FBXO11: variants seen among roughly 807,000 people sequenced by gnomAD.
FBXO11 encodes the protein F-box protein 11, also known as F-box only protein 11.
Under a neutral mutation model 117.0 loss-of-function variants are expected in FBXO11, and 13 were observed. The observed-to-expected ratio is 0.11, with a 90% CI of 0.07 to 0.18. FBXO11 has a LOEUF of 0.18. Ranked by LOEUF, FBXO11 falls within the 10% of genes least tolerant of loss-of-function variation. The pLI is 1.00. For missense variants in FBXO11, 767 were observed against 1,164.4 expected, an observed-to-expected ratio of 0.66 and a Z score of 4.97; for synonymous variants, 490 against 380.5, an observed-to-expected ratio of 1.29 and a Z score of -3.35.
At chr2:47,885,417 C>A (rs1025333985) in intron 1 of FBXO11, among the ~76,000 whole-genome samples, 3 of 151,936 alleles carry the variant, frequency 2.0e-5, no homozygotes, top group African/African-American at 7.3e-5. Context: ...ACATGGCAAA[C>A]CCTGTCTCTA....
At chr2:47,858,909 C>G (rs1267552154) in intron 1 of FBXO11, among the ~76,000 whole-genome samples, 2 of 150,672 alleles carry the variant, frequency 1.3e-5, no homozygotes, top group Admixed American at 6.6e-5. Flanking sequence ...CGTGGTAGCC[C>G]GCGCCTGTAA....
At chr2:47,830,920 C>T (rs1331154111) in intron 11 of FBXO11, among the ~76,000 whole-genome samples, 2 of 152,048 alleles carry the variant, frequency 1.3e-5, no homozygotes, top group African/African-American at 4.8e-5. Context: ...CTGTCTCAGC[C>T]CCCAAGTAGC....
At chr2:47,829,125 G>A (rs942241351) in intron 11 of FBXO11, among the ~76,000 whole-genome samples, 9 of 151,856 alleles carry the variant, frequency 5.9e-5, no homozygotes, top group African/African-American at 2.2e-4. Context: ...GAACTCCTGG[G>A]CTCAAGGGAT....
chr2:47,857,410 C>T (rs1313258243), intron 1 of FBXO11, among the ~76,000 whole-genome samples: 1 of 152,026 alleles, frequency 6.6e-6, no homozygotes, highest in Admixed American at 6.6e-5. Context: ...CGTGAGCCAC[C>T]ACACCTGGCC....
chr2:47,808,034 G>C lies in FBXO11; in HGVS notation c.*84C>G, dbSNP rs757580075. 3.4e-5 allele frequency: 42 copies of C among 1,240,266 alleles called. No homozygotes were observed. The highest frequency in any genetic ancestry group is 4.5e-5 in the Non-Finnish European group (40 of 879,588). 76.8% of individuals were successfully genotyped at this position (1,240,266 alleles called of 1,614,324 possible). The stretch of plus-strand genomic sequence containing the variant: ...TTAATACAGTCTCTTCCTGTAGCAT[G>C]GGCAAATATTTTAAATCTTCTTCCA... On this transcript the variant is annotated 3_prime_UTR_variant, in exon 23 of 23. Coordinates refer to ENST00000403359, the MANE Select transcript of FBXO11 (RefSeq NM_001190274.2).
chr2:47,841,656 A>T (rs1673017914), intron 1 of FBXO11, among the ~76,000 whole-genome samples: 1 of 152,044 alleles, frequency 6.6e-6, no homozygotes, highest in Non-Finnish European at 1.5e-5. Flanking sequence ...TATTATTATT[A>T]TTTGAGATGG....
chr2:47,872,942 AT>A (rs2103841389), intron 1 of FBXO11, among the ~76,000 whole-genome samples: 2 of 152,264 alleles, frequency 1.3e-5, no homozygotes, highest in Admixed American at 1.3e-4. Context: ...TACAGTAAAT[AT>A]TGATAGCTAT....
chr2:47,884,480 G>A (rs1254112086), intron 1 of FBXO11, among the ~76,000 whole-genome samples: 1 of 152,116 alleles, frequency 6.6e-6, no homozygotes, highest in African/African-American at 2.4e-5. Context: ...ACATAATCTG[G>A]AGTTTACATA....
chr2:47,880,461 C>T (rs1676354057), intron 1 of FBXO11, among the ~76,000 whole-genome samples: 1 of 152,014 alleles, frequency 6.6e-6, no homozygotes, highest in Non-Finnish European at 1.5e-5. Flanking sequence ...TTTCCTGGCT[C>T]CTTTCTTGTT....
At chr2:47,829,752 T>C (rs1446178385) in intron 11 of FBXO11, among the ~76,000 whole-genome samples, 1 of 151,774 alleles carries the variant, frequency 6.6e-6, no homozygotes, top group Non-Finnish European at 1.5e-5. Flanking sequence ...GGTAAAATAT[T>C]TACAAGAGAT....
intron 18 of FBXO11, 32 bp downstream of exon 18, chr2:47,813,202 A>G (rs1308932415): frequency 6.2e-7 from 1 of 1,606,526 alleles, no homozygotes; most frequent in Non-Finnish European, 8.5e-7. Context: ...GGAAAACTGG[A>G]TTTTTCACTA....
At chr2:47,851,296 G>A (rs565893917) in intron 1 of FBXO11, among the ~76,000 whole-genome samples, 74 of 151,562 alleles carry the variant, frequency 4.9e-4, no homozygotes, top group African/African-American at 1.2e-3. Context: ...GTGTGATCTC[G>A]GCTTACCACA....
intron 1 of FBXO11, among the ~76,000 whole-genome samples, chr2:47,896,181 A>G (rs1384806372): frequency 2.6e-5 from 4 of 152,218 alleles, no homozygotes. Flanking sequence ...AGAAAAATTT[A>G]AAAGTCAGAA....
chr2:47,810,903 C>G (rs1192316056), intron 18 of FBXO11: 1 of 152,484 alleles, frequency 6.6e-6, no homozygotes, highest in Non-Finnish European at 1.5e-5. Context: ...CAGTTAACTG[C>G]AACTCTTATC....
chr2:47,861,373 C>T (rs1364170086), intron 1 of FBXO11, among the ~76,000 whole-genome samples: 2 of 146,580 alleles, frequency 1.4e-5, no homozygotes, highest in Non-Finnish European at 3.0e-5. Context: ...GGCAGAAGTG[C>T]AGTGGCACAA....
intron 1 of FBXO11, among the ~76,000 whole-genome samples, chr2:47,846,083 T>C (rs1017624949): frequency 1.3e-5 from 2 of 152,198 alleles, no homozygotes; most frequent in African/African-American, 4.8e-5. Context: ...CAACGATCCA[T>C]GATAGATGCG....
chr2:47,820,808 TGTGA>T (rs143901789), intron 13 of FBXO11, among the ~76,000 whole-genome samples: 114 of 152,284 alleles, frequency 7.5e-4, no homozygotes, highest in African/African-American at 2.5e-3. Context: ...ACAGTGTTGA[TGTGA>T]GTATTATATG....
At chr2:47,863,186 T>C (rs1258472073) in intron 1 of FBXO11, among the ~76,000 whole-genome samples, 6 of 151,532 alleles carry the variant, frequency 4.0e-5, no homozygotes, top group African/African-American at 1.2e-4. Context: ...AACCAAAACA[T>C]TGTTGTTAGG....
chr2:47,821,440 C>T lies in FBXO11; in HGVS notation c.1702+778G>A, dbSNP rs548387760. ...CCTGGCTAACATGGTGAAACCCCGT[C>T]TCTACTAAAAATACAAAAAATTAGC... On this transcript the variant is annotated intron_variant, in intron 13 of 22. Transcript: ENST00000403359. Among the ~76,000 whole-genome samples, 423 of 152,210 alleles carry T rather than the reference C, an allele frequency of 2.8e-3. 2 individuals are homozygous for T. The highest frequency in any genetic ancestry group is 9.8e-3 in the African/African-American group (408 of 41,514).
Sources: gnomAD v4.1 joint callset for allele counts (sites outside exome capture counted in the v4.1 genomes callset) on GRCh38, gnomAD v4.1.1 for gene constraint, MANE v1.5 for transcripts, NCBI Gene and HGNC (gene_info 2026-07-23, HGNC 2026-07-21) for gene names.